DCP1A: variants seen among roughly 807,000 people sequenced by gnomAD.
The protein encoded by DCP1A is mRNA-decapping enzyme 1A.
DCP1A carries 20 observed loss-of-function variants against 58.0 expected under a neutral mutation model. That is an observed-to-expected ratio of 0.34 (90% CI 0.24 to 0.50). The LOEUF is 0.50. Among genes scored for constraint, DCP1A ranks in the 20% least tolerant of loss-of-function variants. The pLI is 0.98. For synonymous variants in DCP1A, 285 were observed against 275.1 expected, an observed-to-expected ratio of 1.04 and a Z score of -0.36; for missense variants, 613 against 712.2, an observed-to-expected ratio of 0.86 and a Z score of 1.59.
chr3:53,334,631 A>G (rs1553691692), intron 3 of DCP1A, among the ~76,000 whole-genome samples: 1 of 152,236 alleles, frequency 6.6e-6, no homozygotes, highest in Non-Finnish European at 1.5e-5. Flanking sequence ...AAAATCATTA[A>G]AAGCCAGAAC....
At chr3:53,288,336 G>A (rs376857911) in intron 8 of DCP1A, 53 bp from the exon 9 acceptor site, 1 of 1,418,056 alleles carries the variant, frequency 7.1e-7, no homozygotes, top group African/African-American at 1.4e-5. Context: ...CAGTAGCCAG[G>A]CCCAGAATAG....
chr3:53,314,661 CTTTTTCTTTT>C (rs1707744514), intron 4 of DCP1A, among the ~76,000 whole-genome samples: 1 of 105,234 alleles, frequency 9.5e-6, no homozygotes, highest in Non-Finnish European at 2.0e-5. Flanking sequence ...TATTTCTTTT[CTTTTTCTTTT>C]TTTTTTTTTT....
chr3:53,342,004 T>C, intron 3 of DCP1A, 140 bp downstream of exon 3: 1 of 756,518 alleles, frequency 1.3e-6, no homozygotes, highest in South Asian at 1.9e-5. Context: ...AGGTTTGATC[T>C]TTCCAACAGA....
chr3:53,331,313 G>C (rs1187352671), intron 3 of DCP1A, among the ~76,000 whole-genome samples: 9 of 152,170 alleles, frequency 5.9e-5, no homozygotes, highest in African/African-American at 2.2e-4. Context: ...AGAAAAATCA[G>C]TTCTGTTTGC....
intron 6 of DCP1A, among the ~76,000 whole-genome samples, chr3:53,302,354 A>T (rs1553687497): frequency 6.6e-6 from 1 of 152,226 alleles, no homozygotes; most frequent in Non-Finnish European, 1.5e-5. Flanking sequence ...TCAGACTATC[A>T]GTTATAAAGA....
rs1706639936 is a variant in DCP1A, at chr3:53,286,504, T to C, written c.*1076A>G. The C allele has an allele frequency of 6.6e-6, 1 of 152,232 alleles. No individual in the cohort carries two copies. Among genetic ancestry groups the C allele is most frequent in the African/African-American group, 2.4e-5 (1 of 41,458 alleles). 9.4% of individuals were successfully genotyped at this position (152,232 alleles called of 1,614,324 possible). A position where few individuals can be genotyped will look rare whatever the true frequency, so the allele number is the denominator to read the frequency against. ...AGCAGCATAACAAAGCTTCTTTACATATTTTCACACTTTGGGCCGGGAAAG... is the reference window on the plus strand; with the variant it reads ...AGCAGCATAACAAAGCTTCTTTACACATTTTCACACTTTGGGCCGGGAAAG... On this transcript the variant is annotated 3_prime_UTR_variant, in exon 10 of 10. Coordinates refer to ENST00000610213, the MANE Select transcript of DCP1A (RefSeq NM_018403.7).
chr3:53,300,222 C>T (rs1444546902), intron 6 of DCP1A, among the ~76,000 whole-genome samples: 1 of 152,152 alleles, frequency 6.6e-6, no homozygotes, highest in Non-Finnish European at 1.5e-5. Flanking sequence ...AACACATCAG[C>T]ACTGTCTGTA....
intron 4 of DCP1A, among the ~76,000 whole-genome samples, chr3:53,317,454 C>T (rs913972285): frequency 4.6e-5 from 7 of 152,216 alleles, no homozygotes; most frequent in African/African-American, 7.2e-5. Context: ...CGTGAGCCAC[C>T]GCGCCCAGCC....
Position 53,287,342 on chromosome 3 carries a change from CTTTTTTTTTTTTTTTTT to C in DCP1A, c.*221_*237del. The C allele has an allele frequency of 3.6e-5, 6 of 164,858 alleles. No individual in the cohort carries two copies. Among genetic ancestry groups the C allele is most frequent in the Non-Finnish European group, 5.3e-5 (5 of 94,432 alleles). The allele number at this position is 164,858 out of a possible 1,614,324, so 10.2% of individuals were successfully genotyped here. A position where few individuals can be genotyped will look rare whatever the true frequency, so the allele number is the denominator to read the frequency against. The stretch of plus-strand genomic sequence containing the variant: ...CATAACTTAACACAATGATCGCTCT[CTTTTTTTTTTTTTTTTT>C]TTTTTTTTTTGTCAAAACAAGGATC... On this transcript the variant is annotated 3_prime_UTR_variant, in exon 10 of 10. Transcript: ENST00000610213.
At chr3:53,324,861 A>T (rs901673406) in intron 3 of DCP1A, among the ~76,000 whole-genome samples, 3 of 152,018 alleles carry the variant, frequency 2.0e-5, no homozygotes, top group Non-Finnish European at 2.9e-5. Context: ...TTTATTTTTT[A>T]AAAATTTGTT....
chr3:53,306,632 G>A (rs923901993), intron 5 of DCP1A, among the ~76,000 whole-genome samples: 12 of 151,940 alleles, frequency 7.9e-5, no homozygotes, highest in African/African-American at 2.7e-4. Flanking sequence ...TTAGCCAGGC[G>A]TGGTGGTGGG....
At chr3:53,345,248 TA>T (rs1406206013) in intron 1 of DCP1A, among the ~76,000 whole-genome samples, 1 of 152,210 alleles carries the variant, frequency 6.6e-6, no homozygotes, top group African/African-American at 2.4e-5. Flanking sequence ...TTTTTATAGC[TA>T]AAATATTTTA....
intron 2 of DCP1A, among the ~76,000 whole-genome samples, chr3:53,342,693 T>C (rs1216503332): frequency 6.6e-6 from 1 of 152,214 alleles, no homozygotes; most frequent in Non-Finnish European, 1.5e-5. Context: ...TTTGTTCAGA[T>C]GTCACCTTTT....
intron 3 of DCP1A, among the ~76,000 whole-genome samples, chr3:53,327,752 G>A (rs1351907117): frequency 6.6e-6 from 1 of 151,072 alleles, no homozygotes; most frequent in Non-Finnish European, 1.5e-5. Flanking sequence ...GATTGTGCCA[G>A]TGCACTCCAG....
intron 5 of DCP1A, among the ~76,000 whole-genome samples, chr3:53,305,786 T>C (rs1190496921): frequency 3.3e-5 from 5 of 152,212 alleles, no homozygotes; most frequent in African/African-American, 1.2e-4. Context: ...TTCTCTAAGA[T>C]GTTATTAGGT....
intron 6 of DCP1A, among the ~76,000 whole-genome samples, chr3:53,295,542 ATCTT>A (rs1707092932): frequency 6.6e-6 from 1 of 152,124 alleles, no homozygotes; most frequent in Non-Finnish European, 1.5e-5. Context: ...AAATTACATC[ATCTT>A]TCTTTTTCTT....
At chr3:53,290,913 T>A in intron 7 of DCP1A, 57 bp from the exon 8 acceptor site, 7 of 1,427,892 alleles carry the variant, frequency 4.9e-6, no homozygotes, top group Non-Finnish European at 6.8e-6. Context: ...TTAAGAAGAC[T>A]TCCTAGTCTT....
intron 5 of DCP1A, among the ~76,000 whole-genome samples, chr3:53,306,090 G>C (rs1435809362): frequency 6.6e-6 from 1 of 152,166 alleles, no homozygotes; most frequent in Non-Finnish European, 1.5e-5. Context: ...TTCACAGACA[G>C]ATTTTCTTGA....
chr3:53,340,606 A>G (rs2089188031), intron 3 of DCP1A, among the ~76,000 whole-genome samples: 1 of 141,764 alleles, frequency 7.1e-6, no homozygotes, highest in Admixed American at 7.1e-5. Flanking sequence ...CAAACACATT[A>G]ACTTTTACTT....
Sources: gnomAD v4.1 joint callset for allele counts (sites outside exome capture counted in the v4.1 genomes callset) on GRCh38, gnomAD v4.1.1 for gene constraint, MANE v1.5 for transcripts, NCBI Gene and HGNC (gene_info 2026-07-23, HGNC 2026-07-21) for gene names.